Variants in NTN4 observed in about 807,000 individuals in gnomAD.
NTN4 encodes netrin-4.
In NTN4, 32 loss-of-function variants were observed where a neutral mutation model predicts 73.6. That is an observed-to-expected ratio of 0.44 (90% CI 0.33 to 0.58). The LOEUF (loss-of-function observed/expected upper bound fraction) is 0.58. NTN4 is among the 20% of genes least tolerant of loss of function. NTN4 has a pLI of 0.04. For synonymous variants in NTN4, 258 were observed against 287.5 expected (o/e 0.90, Z 1.04); for missense variants, 654 against 798.3 (o/e 0.82, Z 2.18).
chr12:95,731,503 T>A (rs998881328), intron 3 of NTN4, among the ~76,000 whole-genome samples: 28 of 151,942 alleles, frequency 1.8e-4, no homozygotes, highest in African/African-American at 6.8e-4. Flanking sequence ...GAGGCAGAGG[T>A]TGCAGTGAGC....
At chr12:95,722,014 T>C (rs2078651782) in intron 3 of NTN4, among the ~76,000 whole-genome samples, 1 of 151,586 alleles carries the variant, frequency 6.6e-6, no homozygotes, top group African/African-American at 2.4e-5. Flanking sequence ...CATCTATATA[T>C]ATACACGGTG....
At chr12:95,746,540 C>G (rs2078864375) in intron 2 of NTN4, among the ~76,000 whole-genome samples, 1 of 152,198 alleles carries the variant, frequency 6.6e-6, no homozygotes, top group Admixed American at 6.5e-5. Context: ...CTAACTCGCT[C>G]AGGTACAACA....
intron 5 of NTN4, among the ~76,000 whole-genome samples, chr12:95,704,199 C>G (rs2078507325): frequency 6.6e-6 from 1 of 152,172 alleles, no homozygotes. Context: ...GCAGACCACA[C>G]ACAGAGTAGC....
chr12:95,660,424 G>A lies in NTN4; in HGVS notation c.1751-1202C>T, dbSNP rs983169638. Reference sequence around the variant, plus strand: ...CCCTATATAAAGCCTATGTGTTTTTGGAATAGGATGTTTGTTTGTCATACA... The same window carrying A: ...CCCTATATAAAGCCTATGTGTTTTTAGAATAGGATGTTTGTTTGTCATACA... On this transcript the variant is annotated intron_variant, in intron 9 of 9. Coordinates refer to ENST00000343702, the MANE Select transcript of NTN4 (RefSeq NM_021229.4). Among the ~76,000 whole-genome samples the A allele has an allele frequency of 2.0e-5, 3 of 151,874 alleles. No individual in the cohort carries two copies. In the South Asian group the frequency reaches 6.3e-4, roughly 32 times the overall value.
chr12:95,694,318 C>CA (rs2078424449), intron 5 of NTN4, among the ~76,000 whole-genome samples: 1 of 134,910 alleles, frequency 7.4e-6, no homozygotes, highest in Admixed American at 7.0e-5. Flanking sequence ...ACCAAGACCC[C>CA]GGCGGCCACT....
chr12:95,771,050 C>T (rs1032254057), intron 2 of NTN4, among the ~76,000 whole-genome samples: 14 of 146,796 alleles, frequency 9.5e-5, no homozygotes, highest in South Asian at 2.1e-4. Flanking sequence ...AGTGCAGTGG[C>T]GCGATCTCGG....
chr12:95,672,911 A>T (rs1297791008), intron 7 of NTN4: 12 of 1,227,794 alleles, frequency 9.8e-6, no homozygotes, highest in Non-Finnish European at 1.4e-5. Context: ...CTCTCTGAAG[A>T]GGCTATCATG....
chr12:95,714,184 T>G (rs2078588728), intron 3 of NTN4, among the ~76,000 whole-genome samples: 1 of 152,198 alleles, frequency 6.6e-6, no homozygotes, highest in Non-Finnish European at 1.5e-5. Flanking sequence ...TTTAATATTT[T>G]TTGTATTATT....
chr12:95,789,354 G>T lies in NTN4; in HGVS notation c.55+901C>A, dbSNP rs2079191312. Among the ~76,000 whole-genome samples, 1 of 152,210 alleles carries T rather than the reference G, an allele frequency of 6.6e-6. No individual in the cohort carries two copies. Among genetic ancestry groups the T allele is most frequent in the Admixed American group, 6.5e-5 (1 of 15,280 alleles). ...AGGCGCCCCTTTCTGAAGCAGTCAA[G>T]ATCCGCACGAGAGACTGGATGTCTG... On this transcript the variant is annotated intron_variant, in intron 1 of 9. Transcript: ENST00000343702. This position sits in a 1 kb window ranked among gnomAD's most constrained non-coding sequence, Gnocchi z 4.0.
intron 7 of NTN4, among the ~76,000 whole-genome samples, chr12:95,682,105 C>G: frequency 9.1e-6 from 1 of 109,828 alleles, no homozygotes; most frequent in East Asian, 3.1e-4. Flanking sequence ...CTCTGTTACC[C>G]AGGCTGGAAT....
At chr12:95,738,514 G>A (rs1375855814) in intron 2 of NTN4, among the ~76,000 whole-genome samples, 2 of 152,166 alleles carry the variant, frequency 1.3e-5, no homozygotes, top group Non-Finnish European at 2.9e-5. Flanking sequence ...AGTGTGACTG[G>A]AGACCAGTGA....
At position 95,748,356 on chromosome 12, in the gene NTN4, A is replaced by G. The variant is rs140615386; in HGVS notation, c.586-10212T>C. Among the ~76,000 whole-genome samples the G allele has an allele frequency of 2.0e-4, 30 of 152,148 alleles. 2 individuals are homozygous for G. The East Asian group carries it at 5.8e-3, about 29-fold the overall frequency. On this transcript the variant is annotated intron_variant, in intron 2 of 9. Coordinates refer to ENST00000343702, the MANE Select transcript of NTN4 (RefSeq NM_021229.4). Reference sequence around the variant, plus strand: ...ATTAAATATTTGAATATTTTCAGTAATAAATTTACACCAACTGCAGGAATG... The same window carrying G: ...ATTAAATATTTGAATATTTTCAGTAGTAAATTTACACCAACTGCAGGAATG...
At position 95,683,598 on chromosome 12, in the gene NTN4, C is replaced by A. The variant is rs2078336722; in HGVS notation, c.1294G>T (p.Asp432Tyr). The stretch of plus-strand genomic sequence containing the variant: ...CCCCAGTATCCCACCATGCACCTGT[C>A]ACAACGTCGCCCTGCCACCCCAGGC... ...CKPGVAGRRCDRCMVGYWGFG... is the reference protein window; with the variant it reads ...CKPGVAGRRCYRCMVGYWGFG... Residue 432 changes from aspartate (D) to tyrosine (Y), a missense_variant, in exon 6 of 10, where the codon GAC (aspartate) becomes TAC (tyrosine). Coordinates refer to ENST00000343702, the MANE Select transcript of NTN4 (RefSeq NM_021229.4). The A allele has an allele frequency of 6.8e-6, 11 of 1,614,190 alleles. No homozygotes were observed. Among genetic ancestry groups the A allele is most frequent in the Non-Finnish European group, 9.3e-6 (11 of 1,180,026 alleles).
intron 5 of NTN4, among the ~76,000 whole-genome samples, chr12:95,702,591 T>G (rs1487750136): frequency 2.0e-5 from 3 of 152,182 alleles, no homozygotes; most frequent in Admixed American, 1.3e-4. Context: ...GAAAATAGTA[T>G]GCACTCAATA....
chr12:95,661,772 TGATGGTCA>T (rs1389724439), intron 9 of NTN4, among the ~76,000 whole-genome samples: 1 of 152,144 alleles, frequency 6.6e-6, no homozygotes, highest in Non-Finnish European at 1.5e-5. Context: ...ACACAAATGT[TGATGGTCA>T]GATAATGGAT....
intron 2 of NTN4, among the ~76,000 whole-genome samples, chr12:95,785,746 C>A (rs2079162754): frequency 6.6e-6 from 1 of 152,188 alleles, no homozygotes; most frequent in South Asian, 2.1e-4. Context: ...TGATTATACA[C>A]AACTACCTGG....
intron 7 of NTN4, among the ~76,000 whole-genome samples, chr12:95,674,678 T>A (rs2078259676): frequency 6.6e-6 from 1 of 152,212 alleles, no homozygotes. Flanking sequence ...TTATGGAAAC[T>A]TATGGGAGGT....
intron 2 of NTN4, among the ~76,000 whole-genome samples, chr12:95,761,961 T>C (rs2078992109): frequency 6.6e-6 from 1 of 152,086 alleles, no homozygotes; most frequent in Non-Finnish European, 1.5e-5. Flanking sequence ...TTACCTCCTG[T>C]TTATCTCCTC....
Position 95,710,557 on chromosome 12 carries a change from C to G in NTN4, c.1064G>C (p.Ser355Thr). Residue 355 changes from serine (S) to threonine (T), a missense_variant, in exon 5 of 10, where the codon AGT (serine) becomes ACT (threonine). Physicochemically the swap from Ser to Thr is moderately conservative, Grantham distance 58. Transcript: ENST00000343702. ...CTGACAGTCATCACAGACACCACCA[C>G]TACGATTCCCTGATGCCTCCCACAC... Reference protein sequence around the residue: ...VNVWEASGNRSGGVCDDCQHN... With the variant: ...VNVWEASGNRTGGVCDDCQHN... 3 of 1,614,192 alleles carry G rather than the reference C, an allele frequency of 1.9e-6. No individual in the cohort carries two copies. The highest frequency in any genetic ancestry group is 2.5e-6 in the Non-Finnish European group (3 of 1,180,024).
Sources: allele counts gnomAD v4.1 joint callset (sites outside exome capture counted in the v4.1 genomes callset), GRCh38; gene constraint gnomAD v4.1.1; non-coding constraint Gnocchi (gnomAD v3.1); transcripts MANE v1.5; gene names NCBI Gene and HGNC (gene_info 2026-07-23, HGNC 2026-07-21).